Variants in SGCZ observed in about 807,000 individuals in gnomAD.
The protein encoded by SGCZ is sarcoglycan zeta.
Under a neutral mutation model 41.3 loss-of-function variants are expected in SGCZ, and 40 were observed. The observed-to-expected ratio is 0.97, with a 90% CI of 0.75 to 1.26. The LOEUF is 1.26. SGCZ is among the 50% of genes most tolerant of loss of function. SGCZ has a pLI of 0.00. For missense variants in SGCZ, 552 were observed against 369.8 expected, an observed-to-expected ratio of 1.49 and a Z score of -4.04; for synonymous variants, 206 against 137.5, an observed-to-expected ratio of 1.50 and a Z score of -3.49.
chr8:14,791,313 T>TATGC (rs1800943898), intron 1 of SGCZ, among the ~76,000 whole-genome samples: 1 of 152,110 alleles, frequency 6.6e-6, no homozygotes, highest in Non-Finnish European at 1.5e-5. Flanking sequence ...ATTGAGCACA[T>TATGC]ATGCATCCCG....
rs1800580902 is a variant in SGCZ, at chr8:14,950,030, ACCC to A, written c.39+287552_39+287554del. Among the ~76,000 whole-genome samples the A allele has an allele frequency of 3.3e-5, 5 of 152,198 alleles. No individual in the cohort carries two copies. In the South Asian group the frequency reaches 6.2e-4, roughly 19 times the overall value. ...TAATTTTATCCTTTTCAAATACTGG[ACCC>A]AGCTACTAAAGGCTTTCAAAACAGA... On this transcript the variant is annotated intron_variant, in intron 1 of 7. Coordinates refer to ENST00000382080, the MANE Select transcript of SGCZ (RefSeq NM_139167.4).
intron 1 of SGCZ, among the ~76,000 whole-genome samples, chr8:14,799,856 C>T (rs1278613351): frequency 6.6e-6 from 1 of 152,090 alleles, no homozygotes; most frequent in Non-Finnish European, 1.5e-5. Flanking sequence ...TATAGCTAAG[C>T]ATTGGCTTCT....
At chr8:14,356,625 G>GA (rs1294563552) in intron 2 of SGCZ, among the ~76,000 whole-genome samples, 1 of 151,484 alleles carries the variant, frequency 6.6e-6, no homozygotes, top group Non-Finnish European at 1.5e-5. Flanking sequence ...AAATAATATA[G>GA]AAAAAAATGA....
At chr8:14,450,059 A>C (rs1480836171) in intron 2 of SGCZ, among the ~76,000 whole-genome samples, 3 of 152,232 alleles carry the variant, frequency 2.0e-5, no homozygotes, top group Non-Finnish European at 4.4e-5. Flanking sequence ...GTGAAAATGA[A>C]AACAAAACTA....
chr8:14,442,154 G>C (rs529421046), intron 2 of SGCZ, among the ~76,000 whole-genome samples: 33 of 152,240 alleles, frequency 2.2e-4, no homozygotes, highest in Middle Eastern at 3.4e-3. Context: ...GATATGGTTT[G>C]GCTGTGTCAC....
chr8:15,053,044 T>C (rs1293281016), intron 1 of SGCZ, among the ~76,000 whole-genome samples: 1 of 152,154 alleles, frequency 6.6e-6, no homozygotes, highest in Non-Finnish European at 1.5e-5. Context: ...TCCTCTGTAA[T>C]AACTCTAAAT....
At chr8:15,204,347 G>A (rs79810143) in intron 1 of SGCZ, among the ~76,000 whole-genome samples, 2,492 of 152,294 alleles carry the variant, frequency 0.016, 61 homozygotes, top group African/African-American at 0.056. Flanking sequence ...ACCGTGTGTA[G>A]AAGGAAAGAC....
chr8:14,688,054 T>C (rs532493043), intron 1 of SGCZ, among the ~76,000 whole-genome samples: 3 of 152,278 alleles, frequency 2.0e-5, no homozygotes, highest in East Asian at 3.9e-4. Context: ...TTGTTTTTTC[T>C]TGTAAATTTG....
intron 1 of SGCZ, among the ~76,000 whole-genome samples, chr8:14,686,289 A>T (rs897469475): frequency 6.6e-5 from 10 of 152,192 alleles, no homozygotes; most frequent in African/African-American, 2.4e-4. Context: ...TGTTGTAAGC[A>T]CTAAATTTGA....
At chr8:15,008,754 GA>G (rs1802710518) in intron 1 of SGCZ, among the ~76,000 whole-genome samples, 1 of 44,616 alleles carries the variant, frequency 2.2e-5, no homozygotes, top group Non-Finnish European at 4.4e-5. Context: ...GAAGAGGGGG[GA>G]GGAGGGAGGG....
At chr8:14,865,747 A>C (rs1219572878) in intron 1 of SGCZ, among the ~76,000 whole-genome samples, 1 of 152,168 alleles carries the variant, frequency 6.6e-6, no homozygotes, top group East Asian at 1.9e-4. Context: ...TGGGAGGCTT[A>C]GAACCTTAGC....
At chr8:14,847,122 G>GA (rs1227443311) in intron 1 of SGCZ, among the ~76,000 whole-genome samples, 2,630 of 102,348 alleles carry the variant, frequency 0.026, 87 homozygotes, top group African/African-American at 0.086. Flanking sequence ...AGAAGAAGAA[G>GA]AAGAAAGAAG....
At chr8:14,329,653 A>G (rs1802244736) in intron 2 of SGCZ, among the ~76,000 whole-genome samples, 1 of 152,064 alleles carries the variant, frequency 6.6e-6, no homozygotes, top group African/African-American at 2.4e-5. Context: ...TCCATTTTGA[A>G]TATTTACTAT....
At chr8:14,101,051 T>G (rs1475134727) in intron 7 of SGCZ, among the ~76,000 whole-genome samples, 1 of 152,086 alleles carries the variant, frequency 6.6e-6, no homozygotes, top group African/African-American at 2.4e-5. Context: ...AAATCATGTA[T>G]GAGCATTTAA....
chr8:14,320,670 G>A (rs114061887), intron 3 of SGCZ, among the ~76,000 whole-genome samples: 1 of 151,932 alleles, frequency 6.6e-6, no homozygotes, highest in Non-Finnish European at 1.5e-5. Context: ...TGCTAACACG[G>A]GCATCCTGAG....
At chr8:15,214,123 GAA>G (rs932049131) in intron 1 of SGCZ, among the ~76,000 whole-genome samples, 1 of 151,086 alleles carries the variant, frequency 6.6e-6, no homozygotes, top group South Asian at 2.1e-4. Context: ...TCAGCCATGT[GAA>G]AAAAAACATC....
intron 2 of SGCZ, among the ~76,000 whole-genome samples, chr8:14,362,799 C>A (rs529985847): frequency 6.6e-6 from 1 of 151,690 alleles, no homozygotes; most frequent in East Asian, 2.0e-4. Flanking sequence ...AGCTGTAGAC[C>A]GGAGCTGTTC....
At chr8:15,185,978 A>T (rs1183325711) in intron 1 of SGCZ, among the ~76,000 whole-genome samples, 1 of 151,818 alleles carries the variant, frequency 6.6e-6, no homozygotes, top group East Asian at 1.9e-4. Flanking sequence ...TAATCCCAGC[A>T]CTTTGGGAGG....
chr8:14,403,613 C>A (rs1799135906), intron 2 of SGCZ, among the ~76,000 whole-genome samples: 1 of 152,018 alleles, frequency 6.6e-6, no homozygotes, highest in Non-Finnish European at 1.5e-5. Flanking sequence ...GTATATTGAA[C>A]CAGCCTTGCA....
Sources: allele counts gnomAD v4.1 joint callset (sites outside exome capture counted in the v4.1 genomes callset), GRCh38; gene constraint gnomAD v4.1.1; transcripts MANE v1.5; gene names NCBI Gene and HGNC (gene_info 2026-07-23, HGNC 2026-07-21).